Variants in VPS33B observed in about 807,000 individuals in gnomAD.
VPS33B encodes vacuolar protein sorting-associated protein 33B.
In VPS33B, 80 loss-of-function variants were observed where a neutral mutation model predicts 95.3. That is an observed-to-expected ratio of 0.84 (90% CI 0.70 to 1.01). The LOEUF (loss-of-function observed/expected upper bound fraction) is 1.01. Among genes scored for constraint, VPS33B ranks in the 50% least tolerant of loss-of-function variants. The pLI, the probability that VPS33B is intolerant of heterozygous loss-of-function variation, is 0.00. For missense variants in VPS33B, 715 were observed against 773.4 expected (o/e 0.92, Z 0.90); for synonymous variants, 280 against 280.4 (o/e 1.00, Z 0.01).
At chr15:91,004,396 C>T (rs1216310571) in intron 16 of VPS33B, among the ~76,000 whole-genome samples, 2 of 151,952 alleles carry the variant, frequency 1.3e-5, no homozygotes, top group Non-Finnish European at 2.9e-5. Flanking sequence ...CCCAGCTACT[C>T]AGGAGGCTGA....
Position 91,001,477 on chromosome 15 carries a change from T to C in VPS33B, c.1406-15A>G. ...AGTAATCTTTCCTGGGGAAGAAATC[T>C]GTGTCAGGTTTCACCTAAGGTCTAT... On this transcript the variant is annotated splice_polypyrimidine_tract_variant and intron_variant, in intron 18 of 22. Coordinates refer to ENST00000333371, the MANE Select transcript of VPS33B (RefSeq NM_018668.5). The C allele has an allele frequency of 6.2e-7, 1 of 1,612,472 alleles. No homozygotes were observed. Among genetic ancestry groups the C allele is most frequent in the Non-Finnish European group, 8.5e-7 (1 of 1,178,524 alleles).
chr15:91,007,444 A>G lies in VPS33B; in HGVS notation c.603+25T>C. The G allele has an allele frequency of 6.2e-7, 1 of 1,608,104 alleles. No homozygotes were observed. Among genetic ancestry groups the G allele is most frequent in the Non-Finnish European group, 8.5e-7 (1 of 1,174,476 alleles). On this transcript the variant is annotated intron_variant, in intron 8 of 22. Transcript: ENST00000333371. This position sits in a 1 kb window ranked among gnomAD's most constrained non-coding sequence, Gnocchi z 5.3. ...AACAGGGAAAACAGCGTCTGCTGGG[A>G]CAACAGTACTGCTAGTGCTCTTACC...
chr15:91,002,209 A>G lies in VPS33B; in HGVS notation c.1273-27T>C. 6.2e-7 allele frequency: 1 copy of G among 1,613,696 alleles called. No individual in the cohort carries two copies. Among genetic ancestry groups the G allele is most frequent in the South Asian group, 1.1e-5 (1 of 90,956 alleles). On this transcript the variant is annotated intron_variant, in intron 17 of 22. Coordinates refer to ENST00000333371, the MANE Select transcript of VPS33B (RefSeq NM_018668.5). The surrounding 1 kb of genome is among the most constrained non-coding windows in gnomAD (Gnocchi z 4.7). Reference sequence around the variant, plus strand: ...TGAAGAAGATGCAATTAGACTATTTACTGAGTGTCCAAAGAGCATCTAGTA... The same window carrying G: ...TGAAGAAGATGCAATTAGACTATTTGCTGAGTGTCCAAAGAGCATCTAGTA...
At chr15:91,003,158 G>C in intron 16 of VPS33B, 27 bp from the exon 17 acceptor site, 1 of 1,613,812 alleles carries the variant, frequency 6.2e-7, no homozygotes. Context: ...TAAGACAGGT[G>C]CATGAGAAAG....
Position 91,005,256 on chromosome 15 carries a change from C to A in VPS33B, c.1105+124G>T. ...GGACCCCCAGGACTTCTAGCAGGAA[C>A]CAGCATTCCACATAGCCAGTGTCAG... On this transcript the variant is annotated intron_variant, in intron 14 of 22. Coordinates refer to ENST00000333371, the MANE Select transcript of VPS33B (RefSeq NM_018668.5). The surrounding 1 kb of genome is among the most constrained non-coding windows in gnomAD (Gnocchi z 6.4). 6.2e-7 allele frequency: 1 copy of A among 1,612,106 alleles called. No individual in the cohort carries two copies. The highest frequency in any genetic ancestry group is 1.7e-5 in the Admixed American group (1 of 59,998).
chr15:91,007,980 G>A lies in VPS33B; in HGVS notation c.404-16C>T, dbSNP rs372318717. 2.5e-6 allele frequency: 4 copies of A among 1,613,100 alleles called. No individual in the cohort carries two copies. In the African/African-American group the frequency reaches 5.3e-5, roughly 22 times the overall value. On this transcript the variant is annotated splice_polypyrimidine_tract_variant and intron_variant, in intron 6 of 22. Transcript: ENST00000333371. This position sits in a 1 kb window ranked among gnomAD's most constrained non-coding sequence, Gnocchi z 5.3. The stretch of plus-strand genomic sequence containing the variant: ...CAGCTCACATCTGTGGGGACAGAGA[G>A]CATCAGCCTCCCTGCAGAAGGTACT...
In VPS33B at chr15:90,998,881, G is replaced by T; in HGVS notation, c.*94C>A. Reference sequence around the variant, plus strand: ...TGCTCCCGGCTCTTAGCAGGTAGTTGGTGGACACTTGGTTATAGCAGCTGG... The same window carrying T: ...TGCTCCCGGCTCTTAGCAGGTAGTTTGTGGACACTTGGTTATAGCAGCTGG... On this transcript the variant is annotated 3_prime_UTR_variant, in exon 23 of 23. Coordinates refer to ENST00000333371, the MANE Select transcript of VPS33B (RefSeq NM_018668.5). The surrounding 1 kb of genome is among the most constrained non-coding windows in gnomAD (Gnocchi z 4.8). 3 of 1,342,126 alleles carry T rather than the reference G, an allele frequency of 2.2e-6. No homozygotes were observed. The highest frequency in any genetic ancestry group is 3.2e-6 in the Non-Finnish European group (3 of 945,756). 83.1% of individuals were successfully genotyped at this position (1,342,126 alleles called of 1,614,324 possible).
chr15:91,017,751 C>A (rs2040983967), intron 2 of VPS33B, 54 bp downstream of exon 2: 2 of 1,561,792 alleles, frequency 1.3e-6, no homozygotes, highest in East Asian at 4.5e-5. Context: ...TATTGTTCAT[C>A]AAAAGAAAAA....
chr15:91,013,669 T>A lies in VPS33B; in HGVS notation c.357+135A>T. ...AAATAAATTTCTGTTCATTATAAAT[T>A]ACCTAGTCTCAGGTATTCTGTTACA... is the stretch of plus-strand genomic sequence containing the variant. On this transcript the variant is annotated intron_variant, in intron 5 of 22. Transcript: ENST00000333371. The surrounding 1 kb of genome is among the most constrained non-coding windows in gnomAD (Gnocchi z 4.5). 2.2e-6 allele frequency: 2 copies of A among 911,660 alleles called. No individual in the cohort carries two copies. The highest frequency in any genetic ancestry group is 1.3e-5 in the South Asian group (1 of 76,486). 56.5% of individuals were successfully genotyped at this position (911,660 alleles called of 1,614,324 possible).
Position 90,998,932 on chromosome 15 carries a change from G to A in VPS33B, c.*43C>T. 1 of 1,606,918 alleles carries A rather than the reference G, an allele frequency of 6.2e-7. No individual in the cohort carries two copies. The highest frequency in any genetic ancestry group is 8.5e-7 in the Non-Finnish European group (1 of 1,175,060). ...GTGCCAGATGCCTGCATCTCACTGA[G>A]GAATGTGTTCAGGGAAGATGTCAAC... On this transcript the variant is annotated 3_prime_UTR_variant, in exon 23 of 23. Transcript: ENST00000333371. The surrounding 1 kb of genome is among the most constrained non-coding windows in gnomAD (Gnocchi z 4.8).
chr15:91,004,756 A>T, intron 16 of VPS33B, 121 bp downstream of exon 16: 1 of 1,214,092 alleles, frequency 8.2e-7, no homozygotes, highest in Non-Finnish European at 1.2e-6. Context: ...AGAATCCATT[A>T]AATTACAGGG....
In VPS33B at chr15:91,005,404, G is replaced by A; in HGVS notation, c.1081C>T (p.Gln361Ter). 1.9e-6 allele frequency: 3 copies of A among 1,614,122 alleles called. No homozygotes were observed. The highest frequency in any genetic ancestry group is 2.5e-6 in the Non-Finnish European group (3 of 1,180,030). ...IMKKKTKQDF[Q>*]ELIKTEHALL... ...CCATGCTCAGTCTTGATTAGCTCCT[G>A]GAAATCCTGCTTGGTTTTCTTCTTC... Residue 361 changes from glutamine to a stop codon, truncating the protein, a stop_gained, in exon 14 of 23, where the codon CAG (glutamine) becomes TAG (stop). Transcript: ENST00000333371. LOFTEE classifies it high-confidence loss of function. This position sits in a 1 kb window ranked among gnomAD's most constrained non-coding sequence, Gnocchi z 6.4.
intron 1 of VPS33B, among the ~76,000 whole-genome samples, chr15:91,021,821 T>A (rs1235791107): frequency 6.6e-6 from 1 of 152,202 alleles, no homozygotes; most frequent in African/African-American, 2.4e-5. Context: ...TTACCACCTG[T>A]GTGTGATAAT....
intron 2 of VPS33B, among the ~76,000 whole-genome samples, chr15:91,017,475 TA>T (rs1202786297): frequency 2.4e-5 from 3 of 123,998 alleles, no homozygotes; most frequent in African/African-American, 9.2e-5. Flanking sequence ...ATTTAAAAAT[TA>T]ACCAGGTGTG....
In VPS33B at chr15:91,011,862, A is replaced by T. The variant is rs979497758; in HGVS notation, c.357+1942T>A. ...AAATTAGCCACGCACGGTGGTGCACATCTGTAGTCCCAGCTACTCGGGAAG... is the reference window on the plus strand; with the variant it reads ...AAATTAGCCACGCACGGTGGTGCACTTCTGTAGTCCCAGCTACTCGGGAAG... On this transcript the variant is annotated intron_variant, in intron 5 of 22. Coordinates refer to ENST00000333371, the MANE Select transcript of VPS33B (RefSeq NM_018668.5). The surrounding 1 kb of genome is among the most constrained non-coding windows in gnomAD (Gnocchi z 5.5). Among the ~76,000 whole-genome samples, 1 of 152,060 alleles carries T rather than the reference A, an allele frequency of 6.6e-6. No homozygotes were observed. The highest frequency in any genetic ancestry group is 1.5e-5 in the Non-Finnish European group (1 of 68,002).
At chr15:91,008,484 C>G (rs12439788) in intron 6 of VPS33B, among the ~76,000 whole-genome samples, 20,469 of 152,210 alleles carry the variant, frequency 0.13, 2,036 homozygotes, top group East Asian at 0.46. Flanking sequence ...AGGCTTGTCT[C>G]AAACTTCTGA....
chr15:91,010,792 T>C lies in VPS33B; in HGVS notation c.358-946A>G, dbSNP rs746299608. Among the ~76,000 whole-genome samples, 7 of 149,744 alleles carry C rather than the reference T, an allele frequency of 4.7e-5. No individual in the cohort carries two copies. Among genetic ancestry groups the C allele is most frequent in the African/African-American group, 1.7e-4 (7 of 40,568 alleles). On this transcript the variant is annotated intron_variant, in intron 5 of 22. Transcript: ENST00000333371. This position sits in a 1 kb window ranked among gnomAD's most constrained non-coding sequence, Gnocchi z 5.7. ...ACAGTCAAGGCAGGAAAGGTGAGAG[T>C]TGCAAGGAAGGGTGGGCAACAGTGT...
intron 6 of VPS33B, 84 bp from the exon 7 acceptor site, chr15:91,008,048 T>G: frequency 7.9e-7 from 1 of 1,261,034 alleles, no homozygotes; most frequent in South Asian, 1.2e-5. Flanking sequence ...AATATTTGAG[T>G]GCGTGCAACA....
At chr15:91,008,233 A>G (rs944880741) in intron 6 of VPS33B, among the ~76,000 whole-genome samples, 1 of 152,212 alleles carries the variant, frequency 6.6e-6, no homozygotes, top group Non-Finnish European at 1.5e-5. Context: ...AGGGCTGACC[A>G]AAAGTGCCGA....
Sources: gnomAD v4.1 joint callset for allele counts (sites outside exome capture counted in the v4.1 genomes callset) on GRCh38, gnomAD v4.1.1 for gene constraint, Gnocchi (gnomAD v3.1) non-coding constraint, MANE v1.5 for transcripts, NCBI Gene and HGNC (gene_info 2026-07-23, HGNC 2026-07-21) for gene names.